The following RBM34 variants were observed in gnomAD, a reference collection of about 807,000 sequenced individuals.
RBM34 encodes the protein RNA-binding protein 34.
A neutral mutation model predicts 44.6 loss-of-function variants in RBM34; 39 were observed. The observed-to-expected ratio is 0.87, with a 90% CI of 0.68 to 1.14. The LOEUF (loss-of-function observed/expected upper bound fraction) is 1.14. RBM34 is among the 50% of genes most tolerant of loss of function. RBM34 has a pLI of 0.00. For synonymous variants in RBM34, 194 were observed against 184.0 expected, an observed-to-expected ratio of 1.05 and a Z score of -0.44; for missense variants, 572 against 517.9, an observed-to-expected ratio of 1.10 and a Z score of -1.01.
chr1:235,155,860 T>TATATATATAC (rs1662413229), intron 3 of RBM34, among the ~76,000 whole-genome samples: 2 of 39,862 alleles, frequency 5.0e-5, no homozygotes, highest in South Asian at 1.1e-3. Context: ...TATATATATA[T>TATATATATAC]ATATATACAT....
chr1:235,140,338 G>A (rs1364882469), intron 6 of RBM34, among the ~76,000 whole-genome samples: 1 of 152,224 alleles, frequency 6.6e-6, no homozygotes, highest in Non-Finnish European at 1.5e-5. Flanking sequence ...GCCAGCTGGA[G>A]TTCCAGGTGG....
chr1:235,161,140 C>T (rs1662703363), intron 1 of RBM34, 34 bp downstream of exon 1: 6 of 1,601,942 alleles, frequency 3.7e-6, no homozygotes, highest in Non-Finnish European at 5.1e-6. Flanking sequence ...CGTACAACAT[C>T]CCTCCCCAGG....
chr1:235,134,767 A>T (rs1661344600), intron 10 of RBM34, among the ~76,000 whole-genome samples: 1 of 148,970 alleles, frequency 6.7e-6, no homozygotes, highest in African/African-American at 2.5e-5. Context: ...TTTTTGAGAC[A>T]GAGTTTTGCT....
intron 4 of RBM34, among the ~76,000 whole-genome samples, chr1:235,154,375 C>A (rs1043588137): frequency 2.0e-5 from 3 of 150,148 alleles, no homozygotes; most frequent in Admixed American, 6.7e-5. Context: ...AGTTTGAGAC[C>A]AGCCTGGGCA....
At chr1:235,144,407 T>C (rs1405782327) in intron 6 of RBM34, among the ~76,000 whole-genome samples, 1 of 151,306 alleles carries the variant, frequency 6.6e-6, no homozygotes, top group African/African-American at 2.4e-5. Flanking sequence ...ATCTGGACTA[T>C]GGCAGTGGTT....
intron 3 of RBM34, among the ~76,000 whole-genome samples, chr1:235,157,699 C>T (rs973056134): frequency 7.9e-5 from 12 of 152,204 alleles, no homozygotes; most frequent in Non-Finnish European, 1.5e-4. Flanking sequence ...AAAGATACCA[C>T]AGTAACACTA....
At chr1:235,161,091 A>G (rs760474353) in intron 1 of RBM34, 24 bp from the exon 2 acceptor site, 1 of 1,609,110 alleles carries the variant, frequency 6.2e-7, no homozygotes, top group Admixed American at 1.7e-5. Context: ...ACAGAAACTC[A>G]GCCACGCCAC....
chr1:235,136,091 T>C lies in RBM34; in HGVS notation c.850-18A>G. On this transcript the variant is annotated intron_variant, in intron 8 of 10. Transcript: ENST00000408888. ...TTGTCTCTCTGAAACAAAAAGACAG[T>C]TAATAAAAATCACTCACTAGACCAG... 1 of 1,589,724 alleles carries C rather than the reference T, an allele frequency of 6.3e-7. No individual in the cohort carries two copies. Among genetic ancestry groups the C allele is most frequent in the Non-Finnish European group, 8.6e-7 (1 of 1,161,780 alleles).
Position 235,131,534 on chromosome 1 carries a change from C to G in RBM34, c.*179G>C. On this transcript the variant is annotated 3_prime_UTR_variant, in exon 11 of 11. Transcript: ENST00000408888. ...AAAAAACAAAACAAAAACAAAAAAA[C>G]CTTCAAAGGTAGTATCACAATGTGA... 1.4e-6 allele frequency: 1 copy of G among 692,476 alleles called. No individual in the cohort carries two copies. Among genetic ancestry groups the G allele is most frequent in the South Asian group, 3.1e-5 (1 of 32,470 alleles). 42.9% of individuals were successfully genotyped at this position (692,476 alleles called of 1,614,324 possible). A position where few individuals can be genotyped will look rare whatever the true frequency, so the allele number is the denominator to read the frequency against.
At chr1:235,150,991 G>C (rs1662136436) in intron 5 of RBM34, among the ~76,000 whole-genome samples, 1 of 152,174 alleles carries the variant, frequency 6.6e-6, no homozygotes, top group Non-Finnish European at 1.5e-5. Flanking sequence ...AAAGAGGTAA[G>C]GGTTCCGGGA....
Position 235,160,913 on chromosome 1 carries a change from C to T in RBM34, c.208G>A (p.Val70Met), listed in dbSNP as rs752487204. 2 of 1,614,128 alleles carry T rather than the reference C, an allele frequency of 1.2e-6. No homozygotes were observed. Among genetic ancestry groups the T allele is most frequent in the Admixed American group, 1.7e-5 (1 of 60,016 alleles). The change falls in exon 2 of 11, where the codon GTG (valine) becomes ATG (methionine). Residue 70 changes from valine (V) to methionine (M), a missense_variant. By Grantham distance (21) the Val-to-Met change is conservative. Transcript: ENST00000408888. ...CTTACTTTAGGCACAGGCACGTACA[C>T]GGGTTGAATCTGGGGCTCCAGAGAA... ...FSSLEPQIQP[V>M]YVPVPKQTIK...
chr1:235,148,220 T>C (rs1445495965), intron 6 of RBM34, among the ~76,000 whole-genome samples, 184 bp downstream of exon 6: 11 of 152,240 alleles, frequency 7.2e-5, no homozygotes, highest in Admixed American at 7.2e-4. Context: ...CTGTAAATTA[T>C]ATTATGGCTT....
intron 10 of RBM34, among the ~76,000 whole-genome samples, chr1:235,134,106 C>T (rs1661317060): frequency 1.3e-5 from 2 of 152,152 alleles, no homozygotes; most frequent in Admixed American, 6.5e-5. Context: ...ACTGCAGCCT[C>T]GACCTCCCAA....
chr1:235,135,094 G>A (rs1661362891), intron 10 of RBM34, among the ~76,000 whole-genome samples: 1 of 145,602 alleles, frequency 6.9e-6, no homozygotes, highest in Admixed American at 6.8e-5. Flanking sequence ...ACCCAGGCTG[G>A]AGTGCAGTGG....
rs781683008 is a variant in RBM34 at position 235,154,862 on chromosome 1, T to C, written c.597+19A>G. 2 of 1,586,964 alleles carry C rather than the reference T, an allele frequency of 1.3e-6. No individual in the cohort carries two copies. The highest frequency in any genetic ancestry group is 1.7e-6 in the Non-Finnish European group (2 of 1,156,430). On this transcript the variant is annotated intron_variant, in intron 4 of 10. Transcript: ENST00000408888. The stretch of plus-strand genomic sequence containing the variant: ...CAAAGTTATTAACTTCTCTGAACTT[T>C]TACCATATACAAACTCACCTTCTTA...
chr1:235,135,899 T>G, intron 9 of RBM34, 129 bp from the exon 10 acceptor site: 1 of 1,205,188 alleles, frequency 8.3e-7, no homozygotes, highest in East Asian at 2.5e-5. Flanking sequence ...CACTTTTTAG[T>G]ACATGTGCTG....
At chr1:235,158,460 G>C (rs1348830695) in intron 3 of RBM34, among the ~76,000 whole-genome samples, 1 of 149,266 alleles carries the variant, frequency 6.7e-6, no homozygotes, top group Non-Finnish European at 1.5e-5. Flanking sequence ...ATAAGGGAAA[G>C]AGGCGAACGT....
intron 3 of RBM34, among the ~76,000 whole-genome samples, chr1:235,157,494 T>C (rs1364905766): frequency 1.3e-5 from 2 of 152,028 alleles, no homozygotes; most frequent in African/African-American, 2.4e-5. Flanking sequence ...TGGAGCATTC[T>C]TACCTGGTGG....
At chr1:235,151,704 CTATTCCAGAGAA>C (rs1662162955) in intron 5 of RBM34, among the ~76,000 whole-genome samples, 2 of 152,128 alleles carry the variant, frequency 1.3e-5, no homozygotes, top group African/African-American at 4.8e-5. Flanking sequence ...TTGAGAAACT[CTATTCCAGAGAA>C]TCACATGAGA....
Sources: allele counts gnomAD v4.1 joint callset (sites outside exome capture counted in the v4.1 genomes callset), GRCh38; gene constraint gnomAD v4.1.1; transcripts MANE v1.5; gene names NCBI Gene and HGNC (gene_info 2026-07-23, HGNC 2026-07-21).